NRXN3: variants seen among roughly 807,000 people sequenced by gnomAD.
NRXN3 encodes neurexin 3.
In NRXN3, 32 loss-of-function variants were observed where a neutral mutation model predicts 137.6. The observed-to-expected ratio is 0.23, with a 90% CI of 0.18 to 0.31. The LOEUF (loss-of-function observed/expected upper bound fraction) is 0.31. NRXN3 is among the 10% of genes least tolerant of loss of function. The pLI is 1.00. For missense variants in NRXN3, 1,574 were observed against 2,062.5 expected (o/e 0.76, Z 4.59); for synonymous variants, 798 against 784.5 (o/e 1.02, Z -0.29).
intron 4 of NRXN3, among the ~76,000 whole-genome samples, chr14:78,507,815 C>T (rs560153623): frequency 6.6e-6 from 1 of 152,268 alleles, no homozygotes; most frequent in South Asian, 2.1e-4. Context: ...TCTTGAGACA[C>T]CTTGAGTTTC....
chr14:78,351,946 G>A (rs1393624334), intron 4 of NRXN3, among the ~76,000 whole-genome samples: 1 of 151,792 alleles, frequency 6.6e-6, no homozygotes, highest in Non-Finnish European at 1.5e-5. Flanking sequence ...AATTAGCCAG[G>A]TGTGTTGGCG....
At chr14:79,770,189 C>A (rs1467871478) in intron 19 of NRXN3, among the ~76,000 whole-genome samples, 4 of 152,054 alleles carry the variant, frequency 2.6e-5, no homozygotes, top group African/African-American at 9.6e-5. Context: ...ATTTTAACAC[C>A]CCACTGTTAA....
intron 1 of NRXN3, among the ~76,000 whole-genome samples, chr14:78,218,235 T>C (rs1455749948): frequency 6.6e-6 from 1 of 151,802 alleles, no homozygotes; most frequent in Non-Finnish European, 1.5e-5. Context: ...CGCACACCTG[T>C]AGTCTTAGCT....
intron 4 of NRXN3, among the ~76,000 whole-genome samples, chr14:78,343,857 A>G (rs982539479): frequency 1.3e-5 from 2 of 152,210 alleles, no homozygotes; most frequent in Non-Finnish European, 2.9e-5. Flanking sequence ...TCAATGTATT[A>G]TAAAGCTCCC....
At chr14:78,364,536 G>T (rs2085611842) in intron 4 of NRXN3, among the ~76,000 whole-genome samples, 1 of 152,144 alleles carries the variant, frequency 6.6e-6, no homozygotes, top group South Asian at 2.1e-4. Context: ...ATTGACACTG[G>T]CATTTTCAAA....
intron 16 of NRXN3, among the ~76,000 whole-genome samples, chr14:79,494,418 G>A (rs941128108): frequency 6.6e-6 from 1 of 152,068 alleles, no homozygotes; most frequent in Admixed American, 6.6e-5. Context: ...CTTGAAAACT[G>A]GTTATACACA....
intron 1 of NRXN3, among the ~76,000 whole-genome samples, chr14:78,187,848 C>T (rs1453778951): frequency 6.8e-6 from 1 of 148,090 alleles, no homozygotes; most frequent in Non-Finnish European, 1.5e-5. Flanking sequence ...TACGAGAACT[C>T]ATCAGATAGC....
intron 15 of NRXN3, among the ~76,000 whole-genome samples, chr14:79,289,596 G>T (rs577508674): frequency 2.0e-5 from 3 of 152,034 alleles, no homozygotes; most frequent in South Asian, 2.1e-4. Flanking sequence ...CTCCAGCCTG[G>T]GTGATGAGAG....
At chr14:78,919,765 G>A (rs2099266043) in intron 10 of NRXN3, among the ~76,000 whole-genome samples, 2 of 152,086 alleles carry the variant, frequency 1.3e-5, no homozygotes, top group Non-Finnish European at 2.9e-5. Flanking sequence ...TACTATAATG[G>A]TCATTAGAAT....
intron 16 of NRXN3, among the ~76,000 whole-genome samples, chr14:79,525,935 G>A (rs2097114437): frequency 6.6e-6 from 1 of 152,140 alleles, no homozygotes; most frequent in Admixed American, 6.5e-5. Context: ...AGGCTGGAGT[G>A]CAGTGGCACA....
At chr14:78,577,200 G>A (rs1325060676) in intron 4 of NRXN3, among the ~76,000 whole-genome samples, 1 of 152,110 alleles carries the variant, frequency 6.6e-6, no homozygotes, top group Non-Finnish European at 1.5e-5. Context: ...GTTCTAAGTT[G>A]GTAGGAGTTA....
intron 16 of NRXN3, among the ~76,000 whole-genome samples, chr14:79,591,163 T>C (rs1416316964): frequency 3.6e-4 from 55 of 152,200 alleles, no homozygotes; most frequent in Non-Finnish European, 8.8e-5. Flanking sequence ...TGGGCAACAT[T>C]TAGATGGAAA....
rs370773590 is a variant in NRXN3 at position 78,458,964 on chromosome 14, C to G, written c.757+161104C>G. On this transcript the variant is annotated intron_variant, in intron 4 of 20. Transcript: ENST00000335750. ...ACTCCTTCCAACTCTGAGATTCGAC[C>G]AATGATGCCACCTGGGCACTTGGAA... 1.3e-4 allele frequency among the ~76,000 whole-genome samples: 20 copies of G among 152,292 alleles called. No homozygotes were observed. In the East Asian group the frequency reaches 2.7e-3, roughly 21 times the overall value.
intron 15 of NRXN3, among the ~76,000 whole-genome samples, chr14:79,261,037 A>G (rs2077503125): frequency 6.6e-6 from 1 of 152,120 alleles, no homozygotes; most frequent in Non-Finnish European, 1.5e-5. Flanking sequence ...AAAGTTTGAG[A>G]GGAGATTCAA....
chr14:78,630,892 G>T (rs548121040), intron 4 of NRXN3, among the ~76,000 whole-genome samples: 9 of 152,218 alleles, frequency 5.9e-5, no homozygotes, highest in Admixed American at 5.9e-4. Context: ...GACGTGAGCC[G>T]CTGCACCCGG....
At chr14:79,506,472 T>C (rs555782701) in intron 16 of NRXN3, among the ~76,000 whole-genome samples, 2 of 152,276 alleles carry the variant, frequency 1.3e-5, no homozygotes, top group African/African-American at 2.4e-5. Flanking sequence ...ACCCACACAA[T>C]CATCTTTAGA....
intron 4 of NRXN3, among the ~76,000 whole-genome samples, chr14:78,459,830 C>T (rs2094868108): frequency 6.6e-6 from 1 of 152,192 alleles, no homozygotes; most frequent in Non-Finnish European, 1.5e-5. Flanking sequence ...CTCCAATAGA[C>T]ACCAGCTGGG....
chr14:79,294,221 A>G (rs1472625325), intron 15 of NRXN3, among the ~76,000 whole-genome samples: 1 of 152,184 alleles, frequency 6.6e-6, no homozygotes, highest in South Asian at 2.1e-4. Flanking sequence ...TCTCGCACAC[A>G]TTAGGTGTTC....
intron 15 of NRXN3, among the ~76,000 whole-genome samples, chr14:79,087,752 C>G (rs2048397803): frequency 6.6e-6 from 1 of 152,140 alleles, no homozygotes. Context: ...TTACCGCATT[C>G]TTTTAAAGAA....
Sources: allele counts gnomAD v4.1 joint callset (sites outside exome capture counted in the v4.1 genomes callset), GRCh38; gene constraint gnomAD v4.1.1; transcripts MANE v1.5; gene names NCBI Gene and HGNC (gene_info 2026-07-23, HGNC 2026-07-21).